The following RBPJ variants were observed in gnomAD, a reference collection of about 807,000 sequenced individuals.
The protein encoded by RBPJ is recombining binding protein suppressor of hairless.
A neutral mutation model predicts 67.8 loss-of-function variants in RBPJ; 9 were observed. The observed-to-expected ratio is 0.13, with a 90% confidence interval of 0.08 to 0.23. The LOEUF is 0.23. RBPJ is among the 10% of genes least tolerant of loss of function. The pLI, the probability that RBPJ is intolerant of heterozygous loss-of-function variation, is 1.00. For synonymous variants in RBPJ, 198 were observed against 203.3 expected, an observed-to-expected ratio of 0.97 and a Z score of 0.22; for missense variants, 305 against 595.6, an observed-to-expected ratio of 0.51 and a Z score of 5.08.
At chr4:26,302,116 A>G (rs958711486) in intron 1 of RBPJ, among the ~76,000 whole-genome samples, 2 of 152,130 alleles carry the variant, frequency 1.3e-5, no homozygotes, top group African/African-American at 4.8e-5. Context: ...AAATAAGTAT[A>G]AAAGGACAAA....
At chr4:26,306,814 G>C (rs987213356) in intron 1 of RBPJ, among the ~76,000 whole-genome samples, 1 of 151,934 alleles carries the variant, frequency 6.6e-6, no homozygotes, top group Non-Finnish European at 1.5e-5. Context: ...AGTAGCCCCT[G>C]TCTTGGTCAC....
At chr4:26,270,390 A>AAAGAAAGAAAGG (rs1720853749) in intron 1 of RBPJ, among the ~76,000 whole-genome samples, 2 of 71,268 alleles carry the variant, frequency 2.8e-5, no homozygotes, top group Non-Finnish European at 6.4e-5. Context: ...AGAAAGAAAG[A>AAAGAAAGAAAGG]AAGAAAGAAA....
the RBPJ span, among the ~76,000 whole-genome samples, chr4:26,135,628 A>ACTTCC: frequency 6.6e-6 from 1 of 151,936 alleles, no homozygotes. Flanking sequence ...CTACCAATAA[A>ACTTCC]CTTCCCTCTG....
At chr4:26,132,627 T>A in the RBPJ span, among the ~76,000 whole-genome samples, 1 of 152,126 alleles carries the variant, frequency 6.6e-6, no homozygotes, top group Admixed American at 6.5e-5. Context: ...ACCCTTTTCT[T>A]CCAGGAAACC....
chr4:26,375,144 A>G (rs1729573446), intron 1 of RBPJ, among the ~76,000 whole-genome samples: 1 of 152,098 alleles, frequency 6.6e-6, no homozygotes, highest in South Asian at 2.1e-4. Flanking sequence ...TTCTGCAAAA[A>G]AATACAAAAA....
intron 1 of RBPJ, among the ~76,000 whole-genome samples, chr4:26,232,469 C>T (rs1022055351): frequency 1.3e-5 from 2 of 152,102 alleles, no homozygotes; most frequent in African/African-American, 2.4e-5. Flanking sequence ...TCCACCTCGG[C>T]ATCCCAAAGT....
chr4:26,234,518 G>GTC (rs1334306846), intron 1 of RBPJ, among the ~76,000 whole-genome samples: 1 of 152,060 alleles, frequency 6.6e-6, no homozygotes, highest in Non-Finnish European at 1.5e-5. Flanking sequence ...CCTTGTTCAA[G>GTC]TCTTTGCTCA....
intron 1 of RBPJ, among the ~76,000 whole-genome samples, chr4:26,208,863 C>T (rs1216028278): frequency 6.6e-6 from 1 of 152,120 alleles, no homozygotes; most frequent in African/African-American, 2.4e-5. Flanking sequence ...CATATGACTT[C>T]ATTGGCCATT....
intron 1 of RBPJ, among the ~76,000 whole-genome samples, chr4:26,215,252 A>G (rs1718658062): frequency 1.6e-4 from 2 of 12,400 alleles, no homozygotes; most frequent in African/African-American, 7.7e-4. Flanking sequence ...AGAAAGTAAG[A>G]AAGAAAGGAA....
chr4:26,126,210 A>G, the RBPJ span, among the ~76,000 whole-genome samples: 1 of 152,332 alleles, frequency 6.6e-6, no homozygotes, highest in Non-Finnish European at 1.5e-5. Context: ...GGCACTAGGG[A>G]TTTGGGATAC....
intron 1 of RBPJ, among the ~76,000 whole-genome samples, chr4:26,313,823 C>T (rs188845496): frequency 1.6e-4 from 25 of 151,974 alleles, no homozygotes; most frequent in Non-Finnish European, 3.1e-4. Context: ...GCATCAAGAG[C>T]GAAACTTTGT....
At chr4:26,339,569 G>A (rs751200490) in intron 1 of RBPJ, among the ~76,000 whole-genome samples, 1 of 152,202 alleles carries the variant, frequency 6.6e-6, no homozygotes, top group Non-Finnish European at 1.5e-5. Flanking sequence ...GGGAGGCGGA[G>A]TTTGCAGTGA....
chr4:26,409,932 C>G, intron 3 of RBPJ: 1 of 371,706 alleles, frequency 2.7e-6, no homozygotes, highest in Admixed American at 3.6e-5. Flanking sequence ...AGAGTAACTA[C>G]TTTCCTATAT....
the RBPJ span, among the ~76,000 whole-genome samples, chr4:26,139,765 C>T: frequency 4.6e-5 from 7 of 152,286 alleles, no homozygotes; most frequent in East Asian, 5.8e-4. Context: ...AAGAGATGAG[C>T]GTCTTTGCCT....
intron 1 of RBPJ, among the ~76,000 whole-genome samples, chr4:26,335,244 T>C (rs1270424001): frequency 2.0e-5 from 3 of 151,686 alleles, no homozygotes. Flanking sequence ...TGCAGTGGCG[T>C]GATCTCGGCT....
chr4:26,114,288 G>A, the RBPJ span, among the ~76,000 whole-genome samples: 9 of 151,862 alleles, frequency 5.9e-5, no homozygotes, highest in South Asian at 1.7e-3. Flanking sequence ...GCGAAACCCC[G>A]TTTCTACTAA....
chr4:26,330,479 C>T (rs552741134), intron 1 of RBPJ, among the ~76,000 whole-genome samples: 1 of 152,324 alleles, frequency 6.6e-6, no homozygotes, highest in African/African-American at 2.4e-5. Flanking sequence ...ATTATATTCA[C>T]TTTTTTGCCT....
intron 4 of RBPJ, among the ~76,000 whole-genome samples, chr4:26,415,888 A>G (rs1237889859): frequency 1.3e-5 from 2 of 152,226 alleles, no homozygotes; most frequent in African/African-American, 2.4e-5. Context: ...TTAGCAGACT[A>G]TAAATCAGAT....
At chr4:26,278,264 A>G (rs1011992724) in intron 1 of RBPJ, among the ~76,000 whole-genome samples, 5 of 152,218 alleles carry the variant, frequency 3.3e-5, no homozygotes, top group Admixed American at 3.3e-4. Flanking sequence ...TGAAGATATA[A>G]AGTGAACCTA....
Sources: allele counts gnomAD v4.1 joint callset (sites outside exome capture counted in the v4.1 genomes callset), GRCh38; gene constraint gnomAD v4.1.1; transcripts MANE v1.5; gene names NCBI Gene and HGNC (gene_info 2026-07-23, HGNC 2026-07-21).